CDK14: variants seen among roughly 807,000 people sequenced by gnomAD.
The protein encoded by CDK14 is cyclin-dependent kinase 14.
Under a neutral mutation model 60.7 loss-of-function variants are expected in CDK14, and 34 were observed. The observed-to-expected ratio is 0.56, with a 90% CI of 0.43 to 0.75. The LOEUF is 0.75. CDK14 is among the 30% of genes least tolerant of loss of function. The pLI is 0.00. For missense variants in CDK14, 482 were observed against 564.1 expected, an observed-to-expected ratio of 0.85 and a Z score of 1.47; for synonymous variants, 197 against 203.7, an observed-to-expected ratio of 0.97 and a Z score of 0.28.
chr7:91,134,903 A>T (rs1800226247), intron 14 of CDK14, among the ~76,000 whole-genome samples: 1 of 152,030 alleles, frequency 6.6e-6, no homozygotes, highest in African/African-American at 2.4e-5. Context: ...AATTTATAGA[A>T]TTTTTTGTTG....
intron 14 of CDK14, among the ~76,000 whole-genome samples, chr7:91,139,808 T>A (rs909279637): frequency 6.7e-6 from 1 of 149,996 alleles, no homozygotes; most frequent in Non-Finnish European, 1.5e-5. Context: ...CTTTCTTTCT[T>A]TCTTTCTTTT....
At chr7:90,861,104 A>G (rs1278265303) in intron 5 of CDK14, among the ~76,000 whole-genome samples, 1 of 152,090 alleles carries the variant, frequency 6.6e-6, no homozygotes, top group Non-Finnish European at 1.5e-5. Flanking sequence ...TCTTATTCAG[A>G]ATAGCCACCC....
chr7:91,094,978 T>G (rs983101304), intron 12 of CDK14, among the ~76,000 whole-genome samples: 6 of 152,200 alleles, frequency 3.9e-5, no homozygotes, highest in African/African-American at 1.4e-4. Flanking sequence ...AAACATCTGT[T>G]AGCGGCCATA....
chr7:90,729,058 A>G (rs1473232084), intron 3 of CDK14, among the ~76,000 whole-genome samples: 2 of 149,428 alleles, frequency 1.3e-5, no homozygotes, highest in Non-Finnish European at 3.0e-5. Flanking sequence ...TTCATTCGGT[A>G]TGACTCTTCA....
At chr7:91,063,528 T>C (rs540514476) in intron 11 of CDK14, among the ~76,000 whole-genome samples, 1 of 152,220 alleles carries the variant, frequency 6.6e-6, no homozygotes, top group Non-Finnish European at 1.5e-5. Flanking sequence ...TAAGTATGTA[T>C]GTAAACAGAT....
intron 5 of CDK14, among the ~76,000 whole-genome samples, chr7:90,843,635 CAAAGT>C (rs879286895): frequency 2.0e-5 from 3 of 152,090 alleles, no homozygotes; most frequent in Admixed American, 1.3e-4. Context: ...AGACCCATGG[CAAAGT>C]TCCCTGGGGC....
rs147953558 is a variant in CDK14 at position 91,015,873 on chromosome 7, A to C, written c.1042-30024A>C. Among the ~76,000 whole-genome samples the C allele has an allele frequency of 2.5e-4, 38 of 152,198 alleles. No individual in the cohort carries two copies. The East Asian group carries it at 7.1e-3, about 29-fold the overall frequency. ...ATCCTAAAATGATAGTTGATGATTT[A>C]CATGTTAGCAGATTACTATGTTTTA... On this transcript the variant is annotated intron_variant, in intron 10 of 14. Coordinates refer to ENST00000380050, the MANE Select transcript of CDK14 (RefSeq NM_001287135.2).
At chr7:90,948,004 A>T (rs1430097899) in intron 8 of CDK14, among the ~76,000 whole-genome samples, 1 of 152,204 alleles carries the variant, frequency 6.6e-6, no homozygotes, top group Non-Finnish European at 1.5e-5. Flanking sequence ...ATATAGATAC[A>T]TACTTGTATA....
At chr7:90,957,051 T>C (rs998558929) in intron 9 of CDK14, among the ~76,000 whole-genome samples, 1 of 150,322 alleles carries the variant, frequency 6.7e-6, no homozygotes, top group Non-Finnish European at 1.5e-5. Flanking sequence ...TCTTTGCTAT[T>C]GTGAATAATG....
At chr7:90,927,672 A>C (rs1169090738) in intron 8 of CDK14, among the ~76,000 whole-genome samples, 1 of 152,174 alleles carries the variant, frequency 6.6e-6, no homozygotes, top group Non-Finnish European at 1.5e-5. Flanking sequence ...AATCCTGGTG[A>C]ATCTGACAAT....
At chr7:90,597,142 A>C in intron 1 of CDK14, 1 of 172,902 alleles carries the variant, frequency 5.8e-6, no homozygotes, top group Non-Finnish European at 1.2e-5. Flanking sequence ...GAAACGTTAG[A>C]CTGTGCCCTG....
chr7:90,895,315 T>TCTTTCCTCTC (rs1562817396), intron 6 of CDK14, among the ~76,000 whole-genome samples: 2 of 69,748 alleles, frequency 2.9e-5, no homozygotes, highest in African/African-American at 8.9e-5. Flanking sequence ...TCTTTCCTCT[T>TCTTTCCTCTC]CTTTCCTCTC....
chr7:90,983,025 T>A (rs1263063864), intron 9 of CDK14, among the ~76,000 whole-genome samples: 1 of 152,050 alleles, frequency 6.6e-6, no homozygotes, highest in Non-Finnish European at 1.5e-5. Context: ...GTCAGAATGG[T>A]TATTATTAAA....
intron 9 of CDK14, among the ~76,000 whole-genome samples, chr7:90,976,283 G>A (rs1464666064): frequency 6.6e-6 from 1 of 152,082 alleles, no homozygotes; most frequent in Non-Finnish European, 1.5e-5. Flanking sequence ...GTGATGTTGA[G>A]CACTTTTTCA....
intron 10 of CDK14, among the ~76,000 whole-genome samples, chr7:90,992,671 A>G (rs1208004867): frequency 6.6e-6 from 1 of 152,220 alleles, no homozygotes; most frequent in Non-Finnish European, 1.5e-5. Context: ...CAGGGATCAG[A>G]GCATTTGAGG....
At chr7:90,608,999 T>C (rs1799480489) in intron 2 of CDK14, among the ~76,000 whole-genome samples, 1 of 152,196 alleles carries the variant, frequency 6.6e-6, no homozygotes, top group Non-Finnish European at 1.5e-5. Context: ...TATAAAGATA[T>C]AATACCAGAG....
chr7:91,135,908 A>G (rs1800266250), intron 14 of CDK14, among the ~76,000 whole-genome samples: 1 of 152,174 alleles, frequency 6.6e-6, no homozygotes, highest in Non-Finnish European at 1.5e-5. Flanking sequence ...AGTGAGTCAT[A>G]CCATCAAAGT....
rs377021367 is a variant in CDK14, at chr7:90,811,802, C to T, written c.544+21150C>T. Among the ~76,000 whole-genome samples, 66 of 152,196 alleles carry T rather than the reference C, an allele frequency of 4.3e-4. No homozygotes were observed. The East Asian group carries it at 4.6e-3, about 11-fold the overall frequency. On this transcript the variant is annotated intron_variant, in intron 5 of 14. Transcript: ENST00000380050. ...ACAAACAACCCCATCAAAAAGTGGG[C>T]GAAGGATATGAAGAGACACTTCTCA...
At chr7:90,977,842 C>T (rs1424104158) in intron 9 of CDK14, among the ~76,000 whole-genome samples, 1 of 152,076 alleles carries the variant, frequency 6.6e-6, no homozygotes, top group East Asian at 1.9e-4. Flanking sequence ...GCCTGACACT[C>T]TGCTATGTCC....
Sources: allele counts gnomAD v4.1 joint callset (sites outside exome capture counted in the v4.1 genomes callset), GRCh38; gene constraint gnomAD v4.1.1; transcripts MANE v1.5; gene names NCBI Gene and HGNC (gene_info 2026-07-23, HGNC 2026-07-21).